The following MFGE8 variants were observed in gnomAD, a reference collection of about 807,000 sequenced individuals.
The protein encoded by MFGE8 is lactadherin.
A neutral mutation model predicts 42.6 loss-of-function variants in MFGE8; 34 were observed. The observed-to-expected ratio is 0.80, with a 90% confidence interval of 0.61 to 1.06. The LOEUF (loss-of-function observed/expected upper bound fraction) is 1.06, where lower values mean the gene tolerates loss of function less well. MFGE8 is among the 50% of genes least tolerant of loss of function. MFGE8 has a pLI of 0.00. For missense variants in MFGE8, 510 were observed against 516.9 expected, an observed-to-expected ratio of 0.99 and a Z score of 0.13; for synonymous variants, 230 against 214.8, an observed-to-expected ratio of 1.07 and a Z score of -0.62.
In MFGE8 at chr15:88,905,249, C is replaced by G. The variant is rs2141706835; in HGVS notation, c.685+508G>C. The G allele has an allele frequency of 2.9e-6, 1 of 344,786 alleles. No homozygotes were observed. The highest frequency in any genetic ancestry group is 5.7e-6 in the Non-Finnish European group (1 of 176,578). The allele number at this position is 344,786 out of a possible 1,614,324, so 21.4% of individuals were successfully genotyped here. On this transcript the variant is annotated intron_variant, in intron 5 of 7. Coordinates refer to ENST00000268150, the MANE Select transcript of MFGE8 (RefSeq NM_005928.4). This position sits in a 1 kb window ranked among gnomAD's most constrained non-coding sequence, Gnocchi z 6.6. Reference sequence around the variant, plus strand: ...GTGGTCGGGAGCCCAGAGATCTAGACCAAGTCTTAATACCTACCAGATGTG... The same window carrying G: ...GTGGTCGGGAGCCCAGAGATCTAGAGCAAGTCTTAATACCTACCAGATGTG...
rs758409121 is a variant in MFGE8 at position 88,907,318 on chromosome 15, G to A, written c.264C>T (p.Ala88=). The change falls in exon 3 of 8, where the codon GCC becomes GCT. Residue 88 remains alanine (A), a synonymous_variant. Coordinates refer to ENST00000268150, the MANE Select transcript of MFGE8 (RefSeq NM_005928.4). ...NGNIANSQIA[A]SSVRVTFLGL... is the part of the protein sequence containing the mutation. ...CCAAGAAGGTCACACGCACAGACGA[G>A]GCGGCGATCTGTGAGTTGGCAATGT... 1.2e-6 allele frequency: 2 copies of A among 1,614,218 alleles called. No individual in the cohort carries two copies. Among genetic ancestry groups the A allele is most frequent in the South Asian group, 1.1e-5 (1 of 91,092 alleles).
At position 88,906,670 on chromosome 15, in the gene MFGE8, CA is replaced by C; in HGVS notation, c.495del (p.Asn165LysfsTer41). Reference sequence around the variant, plus strand: ...TCATGGATGAAATCGAATTCGTGTCCATTAAGGCTGTAGGCCACCTTGAAGG... The same window carrying C: ...TCATGGATGAAATCGAATTCGTGTCCTTAAGGCTGTAGGCCACCTTGAAGG... ...LKAFKVAYSL[N>X]GHEFDFIHDV... is the part of the protein sequence containing the mutation. On this transcript the variant is annotated frameshift_variant, in exon 4 of 8. Transcript: ENST00000268150. LOFTEE classifies it high-confidence loss of function. The surrounding 1 kb of genome is among the most constrained non-coding windows in gnomAD (Gnocchi z 4.2). 16 of 1,614,006 alleles carry C rather than the reference CA, an allele frequency of 9.9e-6. No homozygotes were observed. The highest frequency in any genetic ancestry group is 1.4e-5 in the Non-Finnish European group (16 of 1,179,990).
intron 1 of MFGE8, among the ~76,000 whole-genome samples, chr15:88,911,943 A>T (rs997720110): frequency 3.0e-4 from 46 of 152,124 alleles, no homozygotes; most frequent in African/African-American, 1.0e-3. Context: ...GGCTTTAAAT[A>T]GCAGGTAATC....
In MFGE8 at chr15:88,901,185, A is replaced by T. The variant is rs1316874527; in HGVS notation, c.870+366T>A. 3.5e-5 allele frequency among the ~76,000 whole-genome samples: 2 copies of T among 56,888 alleles called. 1 individual carries two copies. Among genetic ancestry groups the T allele is most frequent in the African/African-American group, 1.1e-4 (2 of 17,960 alleles). 37.3% of individuals were successfully genotyped at this position (56,888 alleles called of 152,430 possible). ...CATTCACACACATTCTCACACATTC[A>T]CACACACATTCACACATTCACACAC... On this transcript the variant is annotated intron_variant, in intron 6 of 7. Coordinates refer to ENST00000268150, the MANE Select transcript of MFGE8 (RefSeq NM_005928.4).
chr15:88,907,547 T>C (rs1898750507), intron 2 of MFGE8, among the ~76,000 whole-genome samples, 171 bp from the exon 3 acceptor site: 1 of 151,954 alleles, frequency 6.6e-6, no homozygotes, highest in African/African-American at 2.4e-5. Flanking sequence ...ATGAAGGCAG[T>C]GCCCAGGACG....
At position 88,899,780 on chromosome 15, in the gene MFGE8, C is replaced by A. The variant is rs1397548782; in HGVS notation, c.902G>T (p.Gly301Val). 1 of 1,614,054 alleles carries A rather than the reference C, an allele frequency of 6.2e-7. No homozygotes were observed. Among genetic ancestry groups the A allele is most frequent in the South Asian group, 1.1e-5 (1 of 91,076 alleles). ...VDLGSSKEVT[G>V]IITQGARNFG... ...GTTACGGGCCCCCTGGGTGATGATGCCTGTCACCTCCTTCGAGGAGCCCAG... is the reference window on the plus strand; with the variant it reads ...GTTACGGGCCCCCTGGGTGATGATGACTGTCACCTCCTTCGAGGAGCCCAG... The change falls in exon 7 of 8, where the codon GGC becomes GTC. Residue 301 changes from glycine to valine, a missense_variant. Physicochemically the swap from Gly to Val is moderately radical, Grantham distance 109. Transcript: ENST00000268150. This position sits in a 1 kb window ranked among gnomAD's most constrained non-coding sequence, Gnocchi z 6.8.
In MFGE8 at chr15:88,903,472, CT is replaced by C. The variant is rs374102886; in HGVS notation, c.686-1738del. The C allele has an allele frequency of 6.4e-3, 967 of 150,452 alleles. 18 individuals are homozygous for C. The highest frequency in any genetic ancestry group is 0.022 in the African/African-American group (921 of 41,058). The allele number at this position is 150,452 out of a possible 1,614,324, so 9.3% of individuals were successfully genotyped here. A position where few individuals can be genotyped will look rare whatever the true frequency, so the allele number is the denominator to read the frequency against. On this transcript the variant is annotated intron_variant, in intron 5 of 7. Coordinates refer to ENST00000268150, the MANE Select transcript of MFGE8 (RefSeq NM_005928.4). This position sits in a 1 kb window ranked among gnomAD's most constrained non-coding sequence, Gnocchi z 4.9. ...AGGCTGGGGCTTTCAGTCTGTATTT[CT>C]TTTTTTTTGTTTTTTTGTTTGTTTG...
intron 3 of MFGE8, 34 bp downstream of exon 3, chr15:88,907,161 C>T (rs929138801): frequency 1.1e-5 from 18 of 1,598,024 alleles, no homozygotes; most frequent in Admixed American, 1.7e-5. Flanking sequence ...GCCTTCTCTC[C>T]ATTGCCCCGC....
Position 88,913,357 on chromosome 15 carries a change from C to G in MFGE8, c.-38G>C. 7.3e-7 allele frequency: 1 copy of G among 1,372,064 alleles called. No homozygotes were observed. The highest frequency in any genetic ancestry group is 1.6e-5 in the South Asian group (1 of 60,886). The allele number at this position is 1,372,064 out of a possible 1,614,324, so 85.0% of individuals were successfully genotyped here. A position where few individuals can be genotyped will look rare whatever the true frequency, so the allele number is the denominator to read the frequency against. Reference sequence around the variant, plus strand: ...CGGGCGCTGGAATGGGCACGCTGGGCTGCTCAGACCCCGCGGGGTTCTGGC... The same window carrying G: ...CGGGCGCTGGAATGGGCACGCTGGGGTGCTCAGACCCCGCGGGGTTCTGGC... On this transcript the variant is annotated 5_prime_UTR_variant, in exon 1 of 8. Coordinates refer to ENST00000268150, the MANE Select transcript of MFGE8 (RefSeq NM_005928.4).
In MFGE8 at chr15:88,913,353, TG is replaced by T; in HGVS notation, c.-35del. ...GACGCGGGCGCTGGAATGGGCACGC[TG>T]GGCTGCTCAGACCCCGCGGGGTTCT... On this transcript the variant is annotated 5_prime_UTR_variant, in exon 1 of 8. Coordinates refer to ENST00000268150, the MANE Select transcript of MFGE8 (RefSeq NM_005928.4). 1 of 1,398,118 alleles carries T rather than the reference TG, an allele frequency of 7.2e-7. No individual in the cohort carries two copies. Among genetic ancestry groups the T allele is most frequent in the Non-Finnish European group, 9.2e-7 (1 of 1,083,150 alleles). 86.6% of individuals were successfully genotyped at this position (1,398,118 alleles called of 1,614,324 possible).
In MFGE8 at chr15:88,899,769, G is replaced by T. The variant is rs1898274742; in HGVS notation, c.913C>A (p.Gln305Lys). 6.2e-7 allele frequency: 1 copy of T among 1,614,082 alleles called. No homozygotes were observed. The highest frequency in any genetic ancestry group is 8.5e-7 in the Non-Finnish European group (1 of 1,179,962). ...SSKEVTGIIT[Q>K]GARNFGSVQF... ...ACAGAGCCAAAGTTACGGGCCCCCT[G>T]GGTGATGATGCCTGTCACCTCCTTC... is the stretch of plus-strand genomic sequence containing the variant. The change falls in exon 7 of 8, where the codon CAG becomes AAG. Residue 305 changes from glutamine (Q) to lysine (K), a missense_variant. Physicochemically the swap from Gln to Lys is moderately conservative, Grantham distance 53 (BLOSUM62 1). Transcript: ENST00000268150. This position sits in a 1 kb window ranked among gnomAD's most constrained non-coding sequence, Gnocchi z 6.8.
At chr15:88,904,154 C>A (rs1898559396) in intron 5 of MFGE8, 2 of 152,250 alleles carry the variant, frequency 1.3e-5, no homozygotes, top group African/African-American at 4.8e-5. Context: ...CTCAAGTCTG[C>A]CTTCCTTGCT....
chr15:88,909,648 G>T, intron 2 of MFGE8, 144 bp downstream of exon 2: 1 of 1,181,462 alleles, frequency 8.5e-7, no homozygotes, highest in Non-Finnish European at 1.3e-6. Context: ...CTCTCTCTCT[G>T]AGTCTCCCCA....
In MFGE8 at chr15:88,903,669, T is replaced by A. The variant is rs1338522072; in HGVS notation, c.686-1934A>T. ...CGCCTGGCTAATTTTTGTATTTTTT[T>A]AGTAGAGACGGGGCTTCGCCATGTT... On this transcript the variant is annotated intron_variant, in intron 5 of 7. Transcript: ENST00000268150. This position sits in a 1 kb window ranked among gnomAD's most constrained non-coding sequence, Gnocchi z 4.9. 1 of 152,226 alleles carries A rather than the reference T, an allele frequency of 6.6e-6. No individual in the cohort carries two copies. 9.4% of individuals were successfully genotyped at this position (152,226 alleles called of 1,614,324 possible).
intron 1 of MFGE8, chr15:88,912,447 T>C (rs1899009139): frequency 9.1e-6 from 9 of 985,358 alleles, no homozygotes; most frequent in Non-Finnish European, 1.1e-5. Context: ...GTCAATCCCA[T>C]TTCTATGAGA....
Position 88,905,594 on chromosome 15 carries a change from A to G in MFGE8, c.685+163T>C. ...CAGCAAACACCTGGGTGGGGCTGCT[A>G]TGGCCAGGTGACCCCCTAGAGTGCG... On this transcript the variant is annotated intron_variant, in intron 5 of 7. Coordinates refer to ENST00000268150, the MANE Select transcript of MFGE8 (RefSeq NM_005928.4). This position sits in a 1 kb window ranked among gnomAD's most constrained non-coding sequence, Gnocchi z 6.6. The G allele has an allele frequency of 1.1e-6, 1 of 895,366 alleles. No homozygotes were observed. The highest frequency in any genetic ancestry group is 1.8e-6 in the Non-Finnish European group (1 of 559,716). 55.5% of individuals were successfully genotyped at this position (895,366 alleles called of 1,614,324 possible).
At position 88,899,439 on chromosome 15, in the gene MFGE8, A is replaced by G; in HGVS notation, c.1120T>C (p.Trp374Arg). Reference sequence around the variant, plus strand: ...AGGCGCAGGGCGATGCGGTTGTGCCAGGCTACAGGCAGGATGCGCACATAG... The same window carrying G: ...AGGCGCAGGGCGATGCGGTTGTGCCGGGCTACAGGCAGGATGCGCACATAG... Reference protein sequence around the residue: ...ARYVRILPVAWHNRIALRLEL... With the variant: ...ARYVRILPVARHNRIALRLEL... The change falls in exon 8 of 8, where the codon TGG (tryptophan) becomes CGG (arginine). Residue 374 changes from tryptophan to arginine, a missense_variant. Trp to Arg is a moderately radical substitution (Grantham distance 101). Transcript: ENST00000268150. This position sits in a 1 kb window ranked among gnomAD's most constrained non-coding sequence, Gnocchi z 6.8. The G allele has an allele frequency of 6.2e-7, 1 of 1,614,238 alleles. No homozygotes were observed. Among genetic ancestry groups the G allele is most frequent in the East Asian group, 2.2e-5 (1 of 44,884 alleles).
chr15:88,901,433 T>C (rs1898423686), intron 6 of MFGE8, 118 bp downstream of exon 6: 4 of 1,002,420 alleles, frequency 4.0e-6, no homozygotes, highest in African/African-American at 1.6e-5. Flanking sequence ...AAACAAGGCT[T>C]TTCCAGAACT....
chr15:88,909,985 A>T (rs1898884526), intron 1 of MFGE8, 62 bp from the exon 2 acceptor site: 2 of 1,606,924 alleles, frequency 1.2e-6, no homozygotes, highest in Non-Finnish European at 1.7e-6. Context: ...CACAGGTGAG[A>T]AGTAGCAGAT....
Sources: gnomAD v4.1 joint callset for allele counts (sites outside exome capture counted in the v4.1 genomes callset) on GRCh38, gnomAD v4.1.1 for gene constraint, Gnocchi (gnomAD v3.1) non-coding constraint, MANE v1.5 for transcripts, NCBI Gene and HGNC (gene_info 2026-07-23, HGNC 2026-07-21) for gene names.